The following EEFSEC variants were observed in gnomAD, a reference collection of about 807,000 sequenced individuals.
The protein encoded by EEFSEC is selenocysteine-specific elongation factor.
Under a neutral mutation model 42.1 loss-of-function variants are expected in EEFSEC, and 43 were observed. That is an observed-to-expected ratio of 1.02 (90% CI 0.80 to 1.32). The LOEUF is 1.32. Ranked by LOEUF, EEFSEC falls within the 40% of genes most tolerant of loss-of-function variation. EEFSEC has a pLI of 0.00. For synonymous variants in EEFSEC, 354 were observed against 339.1 expected, an observed-to-expected ratio of 1.04 and a Z score of -0.48; for missense variants, 745 against 803.6, an observed-to-expected ratio of 0.93 and a Z score of 0.88.
chr3:128,319,379 G>A (rs2066982896), intron 4 of EEFSEC, among the ~76,000 whole-genome samples: 1 of 152,200 alleles, frequency 6.6e-6, no homozygotes, highest in South Asian at 2.1e-4. Context: ...GCCAGAGGAT[G>A]GTAAATATTC....
chr3:128,220,011 T>TTTG (rs2065846845), intron 1 of EEFSEC, among the ~76,000 whole-genome samples: 1 of 152,168 alleles, frequency 6.6e-6, no homozygotes, highest in Admixed American at 6.5e-5. Flanking sequence ...CGGTGGCAGC[T>TTTG]CTGTTCTCTG....
intron 1 of EEFSEC, among the ~76,000 whole-genome samples, chr3:128,228,457 A>G (rs970464819): frequency 6.6e-6 from 1 of 152,154 alleles, no homozygotes. Context: ...TGGCTGAGTG[A>G]GGAGCTGAAG....
Position 128,369,263 on chromosome 3 carries a change from C to T in EEFSEC, c.1600+10890C>T, listed in dbSNP as rs146661067. On this transcript the variant is annotated intron_variant, in intron 6 of 6. Transcript: ENST00000254730. Reference sequence around the variant, plus strand: ...ATCCTGGTGCCAAAGGGACAGGACACGATGAGCCCTGAGGTTGTGGATATT... The same window carrying T: ...ATCCTGGTGCCAAAGGGACAGGACATGATGAGCCCTGAGGTTGTGGATATT... 2.7e-3 allele frequency among the ~76,000 whole-genome samples: 412 copies of T among 152,338 alleles called. 3 individuals are homozygous for T. The highest frequency in any genetic ancestry group is 9.4e-3 in the African/African-American group (392 of 41,574).
At chr3:128,207,000 AG>A (rs1444558345) in intron 1 of EEFSEC, among the ~76,000 whole-genome samples, 1 of 152,102 alleles carries the variant, frequency 6.6e-6, no homozygotes, top group Non-Finnish European at 1.5e-5. Flanking sequence ...CCTGCAGCTG[AG>A]GGGGCCCCTT....
At chr3:128,161,121 C>T (rs1192049321) in intron 1 of EEFSEC, among the ~76,000 whole-genome samples, 2 of 152,180 alleles carry the variant, frequency 1.3e-5, no homozygotes, top group South Asian at 2.1e-4. Flanking sequence ...ACAGCCCATA[C>T]GCTGGCATTC....
the EEFSEC span, among the ~76,000 whole-genome samples, chr3:128,425,906 CG>C: frequency 5.9e-5 from 9 of 152,108 alleles, no homozygotes; most frequent in Admixed American, 5.9e-4. Context: ...ATCCAAGATC[CG>C]GGGGAAGGGT....
chr3:128,372,846 CTA>C (rs2067669790), intron 6 of EEFSEC, among the ~76,000 whole-genome samples: 2 of 152,206 alleles, frequency 1.3e-5, no homozygotes, highest in South Asian at 4.1e-4. Context: ...GGGCCCCTGA[CTA>C]TACGTAAACA....
intron 6 of EEFSEC, among the ~76,000 whole-genome samples, chr3:128,406,276 T>C (rs2068112437): frequency 6.6e-6 from 1 of 152,200 alleles, no homozygotes; most frequent in African/African-American, 2.4e-5. Context: ...AGACAAATGC[T>C]GATGATCTCA....
intron 1 of EEFSEC, among the ~76,000 whole-genome samples, chr3:128,191,397 C>T (rs1308444360): frequency 6.6e-6 from 1 of 152,076 alleles, no homozygotes; most frequent in East Asian, 1.9e-4. Context: ...GCAATCCTCC[C>T]ACCTTAGCCT....
intron 1 of EEFSEC, among the ~76,000 whole-genome samples, chr3:128,185,546 GC>G (rs1245934748): frequency 1.3e-5 from 2 of 151,860 alleles, no homozygotes; most frequent in Non-Finnish European, 2.9e-5. Context: ...TTCGTGTCTG[GC>G]TTCTTTCACT....
At chr3:128,387,816 C>A (rs1430559862) in intron 6 of EEFSEC, among the ~76,000 whole-genome samples, 1 of 152,208 alleles carries the variant, frequency 6.6e-6, no homozygotes, top group African/African-American at 2.4e-5. Flanking sequence ...GTGTATGGAG[C>A]CCCGCTTGCA....
At chr3:128,170,962 C>T (rs887832091) in intron 1 of EEFSEC, among the ~76,000 whole-genome samples, 5 of 152,202 alleles carry the variant, frequency 3.3e-5, no homozygotes, top group African/African-American at 9.7e-5. Flanking sequence ...ATAAGGCAAT[C>T]TGGGGACACT....
chr3:128,269,648 A>G (rs1006871313), intron 4 of EEFSEC, among the ~76,000 whole-genome samples: 6 of 152,218 alleles, frequency 3.9e-5, no homozygotes, highest in Non-Finnish European at 8.8e-5. Flanking sequence ...GGAGCCTGCC[A>G]TACCCTGGCC....
chr3:128,310,856 A>G (rs777524765), intron 4 of EEFSEC, among the ~76,000 whole-genome samples: 7 of 152,202 alleles, frequency 4.6e-5, no homozygotes, highest in Non-Finnish European at 1.0e-4. Flanking sequence ...CCTGGCAAGC[A>G]GGTCTGGAGG....
At chr3:128,362,215 GCACT>G (rs777194488) in intron 6 of EEFSEC, 15 of 527,332 alleles carry the variant, frequency 2.8e-5, no homozygotes, top group Non-Finnish European at 5.5e-5. Flanking sequence ...CCAGGCATCA[GCACT>G]CACTCACAGA....
intron 2 of EEFSEC, among the ~76,000 whole-genome samples, chr3:128,255,560 T>G (rs935487470): frequency 6.6e-6 from 1 of 152,176 alleles, no homozygotes; most frequent in African/African-American, 2.4e-5. Flanking sequence ...GTGTATTCAT[T>G]GTGCACGTTC....
chr3:128,160,514 G>T (rs1388751648), intron 1 of EEFSEC, among the ~76,000 whole-genome samples: 2 of 152,202 alleles, frequency 1.3e-5, no homozygotes, highest in Non-Finnish European at 2.9e-5. Flanking sequence ...GCAGGTGTGT[G>T]ATATGATTGG....
chr3:128,315,097 T>C lies in EEFSEC; in HGVS notation c.787-26136T>C, dbSNP rs557829116. 9.2e-4 allele frequency among the ~76,000 whole-genome samples: 140 copies of C among 152,328 alleles called. 1 individual carries two copies. Among genetic ancestry groups the C allele is most frequent in the Non-Finnish European group, 1.3e-3 (91 of 68,018 alleles). ...AGTGTGGTGTATTATGGCTGGGTTG[T>C]GAAGCCAGACTTATCAATGCTACCA... is the stretch of plus-strand genomic sequence containing the variant. On this transcript the variant is annotated intron_variant, in intron 4 of 6. Coordinates refer to ENST00000254730, the MANE Select transcript of EEFSEC (RefSeq NM_021937.5).
At chr3:128,181,844 C>T (rs536704008) in intron 1 of EEFSEC, among the ~76,000 whole-genome samples, 7 of 152,300 alleles carry the variant, frequency 4.6e-5, no homozygotes, top group Non-Finnish European at 7.4e-5. Context: ...TACGAAGTCT[C>T]GCTCTATTGC....
Sources: gnomAD v4.1 joint callset for allele counts (sites outside exome capture counted in the v4.1 genomes callset) on GRCh38, gnomAD v4.1.1 for gene constraint, MANE v1.5 for transcripts, NCBI Gene and HGNC (gene_info 2026-07-23, HGNC 2026-07-21) for gene names.